NLGN1: variants seen among roughly 807,000 people sequenced by gnomAD.
The protein encoded by NLGN1 is neuroligin 1, also known as neuroligin-1.
In NLGN1, 12 loss-of-function variants were observed where a neutral mutation model predicts 65.5. That is an observed-to-expected ratio of 0.18 (90% CI 0.12 to 0.30). The LOEUF is 0.30. Among genes scored for constraint, NLGN1 ranks in the 10% least tolerant of loss-of-function variants. The pLI is 1.00. For synonymous variants in NLGN1, 350 were observed against 359.5 expected, an observed-to-expected ratio of 0.97 and a Z score of 0.30; for missense variants, 750 against 1,007.1, an observed-to-expected ratio of 0.74 and a Z score of 3.46.
At chr3:174,245,222 T>C (rs2152835754) in intron 4 of NLGN1, among the ~76,000 whole-genome samples, 1 of 152,278 alleles carries the variant, frequency 6.6e-6, no homozygotes, top group Admixed American at 6.5e-5. Context: ...CTCATATTTT[T>C]TTTAAAAGTG....
At chr3:173,610,258 T>C (rs1171006304) in intron 3 of NLGN1, among the ~76,000 whole-genome samples, 1 of 151,918 alleles carries the variant, frequency 6.6e-6, no homozygotes, top group Non-Finnish European at 1.5e-5. Context: ...TCTGAATACC[T>C]GGAATAATAG....
chr3:174,016,262 C>A (rs114136077), intron 4 of NLGN1, among the ~76,000 whole-genome samples: 35 of 152,212 alleles, frequency 2.3e-4, no homozygotes, highest in Admixed American at 5.2e-4. Flanking sequence ...ATCAGAGAAA[C>A]TTTTGGGTTA....
At chr3:173,799,774 A>G (rs987263207) in intron 3 of NLGN1, among the ~76,000 whole-genome samples, 2 of 151,974 alleles carry the variant, frequency 1.3e-5, no homozygotes, top group African/African-American at 4.8e-5. Flanking sequence ...TGGATTAAAA[A>G]TATGTGAAAA....
intron 4 of NLGN1, among the ~76,000 whole-genome samples, chr3:173,933,995 T>C (rs1336908594): frequency 6.6e-6 from 1 of 151,792 alleles, no homozygotes; most frequent in African/African-American, 2.4e-5. Context: ...AGGAGAAATG[T>C]TTCAACACCT....
chr3:173,475,544 T>G (rs142069496), intron 2 of NLGN1, among the ~76,000 whole-genome samples: 290 of 152,314 alleles, frequency 1.9e-3, no homozygotes, highest in African/African-American at 6.8e-3. Flanking sequence ...GTTTGCTAAT[T>G]TTTTTCTTAT....
At chr3:173,793,678 T>C (rs765948577) in intron 3 of NLGN1, among the ~76,000 whole-genome samples, 44 of 152,182 alleles carry the variant, frequency 2.9e-4, no homozygotes, top group Non-Finnish European at 5.9e-4. Context: ...TAATTTTACT[T>C]GCAAACACAA....
chr3:173,926,559 C>A (rs554930995), intron 4 of NLGN1, among the ~76,000 whole-genome samples: 1 of 152,278 alleles, frequency 6.6e-6, no homozygotes, highest in East Asian at 1.9e-4. Context: ...TCATTCTCTA[C>A]TATTTATTCA....
chr3:174,057,897 T>C (rs1449832803), intron 4 of NLGN1: 1 of 152,126 alleles, frequency 6.6e-6, no homozygotes, highest in African/African-American at 2.4e-5. Flanking sequence ...CTACCTCTTT[T>C]ACAGTGGAGG....
intron 4 of NLGN1, among the ~76,000 whole-genome samples, chr3:174,066,516 GTC>G (rs373763421): frequency 0.078 from 5,234 of 66,716 alleles, 158 homozygotes; most frequent in Middle Eastern, 0.11. Context: ...TATGGAACAA[GTC>G]TCTCTCTCTC....
chr3:174,015,170 T>C (rs139812125), intron 4 of NLGN1, among the ~76,000 whole-genome samples: 103 of 152,322 alleles, frequency 6.8e-4, no homozygotes, highest in Non-Finnish European at 1.3e-3. Flanking sequence ...ATTTTATGGT[T>C]ATCAGTTAAG....
chr3:174,286,850 A>T, downstream of NLGN1, among the ~76,000 whole-genome samples: 1 of 151,416 alleles, frequency 6.6e-6, no homozygotes, highest in Non-Finnish European at 1.5e-5. Context: ...AGATTTGGGG[A>T]GCTGGACACA....
rs930086656 is a variant in NLGN1, at chr3:173,907,623, C to A, written c.646+99791C>A. On this transcript the variant is annotated intron_variant, in intron 4 of 6. Transcript: ENST00000457714. Reference sequence around the variant, plus strand: ...TTTTTGAGTTGGAGTGTTGCTCTGTCGCCCAGTCTGTAGTGCAATGACATG... The same window carrying A: ...TTTTTGAGTTGGAGTGTTGCTCTGTAGCCCAGTCTGTAGTGCAATGACATG... 3.1e-5 allele frequency among the ~76,000 whole-genome samples: 4 copies of A among 131,020 alleles called. No individual in the cohort carries two copies. The Admixed American group carries it at 3.7e-4, about 12-fold the overall frequency. The allele number at this position is 131,020 out of a possible 152,430, so 86.0% of individuals were successfully genotyped here.
chr3:173,819,218 C>T (rs1204504400), intron 4 of NLGN1, among the ~76,000 whole-genome samples: 1 of 152,106 alleles, frequency 6.6e-6, no homozygotes, highest in Non-Finnish European at 1.5e-5. Flanking sequence ...CTACTACCTA[C>T]TCACCTTGGG....
At chr3:173,562,125 G>A (rs1742835056) in intron 2 of NLGN1, among the ~76,000 whole-genome samples, 1 of 152,210 alleles carries the variant, frequency 6.6e-6, no homozygotes, top group Non-Finnish European at 1.5e-5. Flanking sequence ...TGAAAGGCAT[G>A]TTCAAGGAAT....
chr3:173,954,544 G>A (rs1711528443), intron 4 of NLGN1, among the ~76,000 whole-genome samples: 1 of 152,086 alleles, frequency 6.6e-6, no homozygotes, highest in South Asian at 2.1e-4. Context: ...CACAATGTCT[G>A]CCAACCATTT....
intron 2 of NLGN1, among the ~76,000 whole-genome samples, chr3:173,578,259 G>T (rs1193160511): frequency 6.6e-6 from 1 of 151,294 alleles, no homozygotes; most frequent in Non-Finnish European, 1.5e-5. Flanking sequence ...AGAAGAAGAA[G>T]ATGTAATTTT....
At chr3:173,544,203 GA>G (rs1054402064) in intron 2 of NLGN1, among the ~76,000 whole-genome samples, 2 of 148,680 alleles carry the variant, frequency 1.3e-5, no homozygotes, top group African/African-American at 2.5e-5. Flanking sequence ...AAAAGAAAAA[GA>G]AAAAAAAGGA....
intron 4 of NLGN1, among the ~76,000 whole-genome samples, chr3:173,938,876 T>G (rs1285933406): frequency 6.6e-6 from 1 of 152,118 alleles, no homozygotes; most frequent in Admixed American, 6.6e-5. Flanking sequence ...GATTTAGGGA[T>G]GGTGATCTAT....
At chr3:173,639,549 G>A (rs1216143001) in intron 3 of NLGN1, among the ~76,000 whole-genome samples, 1 of 152,196 alleles carries the variant, frequency 6.6e-6, no homozygotes, top group Non-Finnish European at 1.5e-5. Context: ...TTATGGGGAT[G>A]TGTTTATTGA....
Sources: allele counts gnomAD v4.1 joint callset (sites outside exome capture counted in the v4.1 genomes callset), GRCh38; gene constraint gnomAD v4.1.1; transcripts MANE v1.5; gene names NCBI Gene and HGNC (gene_info 2026-07-23, HGNC 2026-07-21).